ABHD10: variants seen among roughly 807,000 people sequenced by gnomAD.
ABHD10 encodes the protein palmitoyl-protein thioesterase ABHD10, mitochondrial.
ABHD10 carries 22 observed loss-of-function variants against 33.1 expected under a neutral mutation model. The observed-to-expected ratio is 0.66, with a 90% CI of 0.47 to 0.95. The LOEUF (loss-of-function observed/expected upper bound fraction) is 0.95. ABHD10 is among the 40% of genes least tolerant of loss of function. The probability of loss-of-function intolerance (pLI) is 0.00; values close to 1 mark genes in which losing one functional copy is unlikely to be tolerated. For synonymous variants in ABHD10, 146 were observed against 133.9 expected (o/e 1.09, Z -0.62); for missense variants, 352 against 379.9 (o/e 0.93, Z 0.61).
chr3:111,981,898 C>T lies in ABHD10; in HGVS notation c.257C>T (p.Ser86Phe), dbSNP rs1225186505. Reference sequence around the variant, plus strand: ...ATTATCTTCATCCCTGGCTATCTTTCTTATATGAATGGTACAAAAGCGTTG... The same window carrying T: ...ATTATCTTCATCCCTGGCTATCTTTTTTATATGAATGGTACAAAAGCGTTG... ...PGIIFIPGYL[S>F]YMNGTKALAI... The change falls in exon 2 of 5, where the codon TCT (serine) becomes TTT (phenylalanine). Residue 86 changes from serine to phenylalanine, a missense_variant. Ser to Phe is a radical substitution (Grantham distance 155, BLOSUM62 -2). Coordinates refer to ENST00000273359, the MANE Select transcript of ABHD10 (RefSeq NM_018394.4). 1 of 1,608,056 alleles carries T rather than the reference C, an allele frequency of 6.2e-7. No individual in the cohort carries two copies. The highest frequency in any genetic ancestry group is 1.3e-5 in the African/African-American group (1 of 74,996).
In ABHD10 at chr3:111,986,383, T is replaced by A; in HGVS notation, c.438+8T>A. ...TTAGCTGATGGGCCACAGGTGACTGTTTTGTTAAGTATGATGATAATTACT... is the reference window on the plus strand; with the variant it reads ...TTAGCTGATGGGCCACAGGTGACTGATTTGTTAAGTATGATGATAATTACT... On this transcript the variant is annotated splice_region_variant and intron_variant, in intron 3 of 4. Transcript: ENST00000273359. 1 of 1,554,772 alleles carries A rather than the reference T, an allele frequency of 6.4e-7. No homozygotes were observed. Among genetic ancestry groups the A allele is most frequent in the Non-Finnish European group, 8.9e-7 (1 of 1,128,498 alleles).
intron 4 of ABHD10, among the ~76,000 whole-genome samples, chr3:111,988,112 A>G (rs1009102865): frequency 2.0e-5 from 3 of 152,200 alleles, no homozygotes; most frequent in Non-Finnish European, 2.9e-5. Context: ...TTAAAAAAAA[A>G]GAAGAAAAAA....
In ABHD10 at chr3:111,992,577, TA is replaced by T. The variant is rs1421184675; in HGVS notation, c.*857del. 1.1e-4 allele frequency: 17 copies of T among 152,294 alleles called. No homozygotes were observed. Among genetic ancestry groups the T allele is most frequent in the African/African-American group, 4.1e-4 (17 of 41,584 alleles). The allele number at this position is 152,294 out of a possible 1,614,324, so 9.4% of individuals were successfully genotyped here. A position where few individuals can be genotyped will look rare whatever the true frequency, so the allele number is the denominator to read the frequency against. ...AAGTGTGAAATGCTAGTATAAAGGT[TA>T]TTTTTTTTCTTTCCTAAATAACTAA... On this transcript the variant is annotated 3_prime_UTR_variant, in exon 5 of 5. Coordinates refer to ENST00000273359, the MANE Select transcript of ABHD10 (RefSeq NM_018394.4).
At chr3:111,979,272 C>T (rs2072545685) in intron 1 of ABHD10, 69 bp downstream of exon 1, 1 of 1,491,310 alleles carries the variant, frequency 6.7e-7, no homozygotes, top group African/African-American at 1.4e-5. Context: ...GTTACCGTGC[C>T]TGTGCAGTGC....
In ABHD10 at chr3:111,990,699, G is replaced by A. The variant is rs2072728816; in HGVS notation, c.577-678G>A. 2.8e-6 allele frequency: 4 copies of A among 1,412,050 alleles called. No homozygotes were observed. In the African/African-American group the frequency reaches 4.4e-5, roughly 15 times the overall value. 87.5% of individuals were successfully genotyped at this position (1,412,050 alleles called of 1,614,324 possible). A position where few individuals can be genotyped will look rare whatever the true frequency, so the allele number is the denominator to read the frequency against. Reference sequence around the variant, plus strand: ...AAAATCAAATTTTTTCTCTTTTATAGGACTCTGGAAGGAAAAACTATATTT... The same window carrying A: ...AAAATCAAATTTTTTCTCTTTTATAAGACTCTGGAAGGAAAAACTATATTT... On this transcript the variant is annotated intron_variant, in intron 4 of 4. Transcript: ENST00000273359.
Position 111,986,293 on chromosome 3 carries a change from A to G in ABHD10, c.356A>G (p.Asp119Gly). Residue 119 changes from aspartate to glycine, a missense_variant, in exon 3 of 5, where the codon GAT (aspartate) becomes GGT (glycine). By Grantham distance (94) the Asp-to-Gly change is moderately conservative. Transcript: ENST00000273359. ...RFDYSGVGSSDGNSEESTLGK... is the reference protein window; with the variant it reads ...RFDYSGVGSSGGNSEESTLGK... ...GATTACTCAGGAGTTGGAAGTTCAG[A>G]TGGTAACTCAGAGGAAAGCACACTG... 6.2e-7 allele frequency: 1 copy of G among 1,613,826 alleles called. No homozygotes were observed. The highest frequency in any genetic ancestry group is 8.5e-7 in the Non-Finnish European group (1 of 1,179,814).
intron 1 of ABHD10, among the ~76,000 whole-genome samples, chr3:111,980,811 T>C (rs1183062423): frequency 6.6e-6 from 1 of 152,216 alleles, no homozygotes; most frequent in Admixed American, 6.5e-5. Context: ...ATGTTGTTTT[T>C]AAAGAAACTG....
At chr3:111,982,025 T>G (rs1255205207) in intron 2 of ABHD10, 58 bp downstream of exon 2, 2 of 1,308,074 alleles carry the variant, frequency 1.5e-6, no homozygotes, top group African/African-American at 2.9e-5. Context: ...AGTGGAGAAT[T>G]ACTTCTGTTC....
intron 2 of ABHD10, among the ~76,000 whole-genome samples, chr3:111,983,363 T>C (rs2072610275): frequency 6.6e-6 from 1 of 152,138 alleles, no homozygotes; most frequent in African/African-American, 2.4e-5. Context: ...GAAATCACCA[T>C]TTTACCAGTT....
rs1367342484 is a variant in ABHD10 at position 111,992,811 on chromosome 3, G to C, written c.*1090G>C. On this transcript the variant is annotated 3_prime_UTR_variant, in exon 5 of 5. Coordinates refer to ENST00000273359, the MANE Select transcript of ABHD10 (RefSeq NM_018394.4). ...GAGGAAACCAGCAGATAGTAAACCT[G>C]GTTCAAAGTACAATTCAAGAAACTG... The C allele has an allele frequency of 6.6e-6, 1 of 152,128 alleles. No homozygotes were observed. Among genetic ancestry groups the C allele is most frequent in the Non-Finnish European group, 1.5e-5 (1 of 68,024 alleles). 9.4% of individuals were successfully genotyped at this position (152,128 alleles called of 1,614,324 possible). A position where few individuals can be genotyped will look rare whatever the true frequency, so the allele number is the denominator to read the frequency against.
At chr3:111,980,972 G>A (rs2072576437) in intron 1 of ABHD10, among the ~76,000 whole-genome samples, 1 of 152,078 alleles carries the variant, frequency 6.6e-6, no homozygotes. Context: ...AATTTTGCAA[G>A]GGCAGACCAA....
intron 4 of ABHD10, chr3:111,990,773 T>C: frequency 1.6e-6 from 2 of 1,212,350 alleles, no homozygotes; most frequent in Non-Finnish European, 2.2e-6. Flanking sequence ...ATTGTTACAA[T>C]GTAATTACTC....
In ABHD10 at chr3:111,991,338, AG is replaced by A. The variant is rs554356226; in HGVS notation, c.577-38del. ...TATTGCATGTGTTAATGTTGCCTAA[AG>A]TCACAAATACTTTTATTTTTCTTTC... is the stretch of plus-strand genomic sequence containing the variant. On this transcript the variant is annotated intron_variant, in intron 4 of 4. Coordinates refer to ENST00000273359, the MANE Select transcript of ABHD10 (RefSeq NM_018394.4). 117 of 1,557,324 alleles carry A rather than the reference AG, an allele frequency of 7.5e-5. 1 individual carries two copies. The African/African-American group carries it at 1.4e-3, about 19-fold the overall frequency.
At chr3:111,981,311 C>CAAAAAAAAAAAAAAAA (rs11301143) in intron 1 of ABHD10, among the ~76,000 whole-genome samples, 1 of 91,220 alleles carries the variant, frequency 1.1e-5, no homozygotes. Flanking sequence ...GACCCTGTCT[C>CAAAAAAAAAAAAAAAA]AAAAAAAAAA....
At position 111,979,234 on chromosome 3, in the gene ABHD10, G is replaced by C. The variant is rs374355930; in HGVS notation, c.142+31G>C. ...TGTCCGAAAGGCGGGAGTAGGATGC[G>C]TTCTTTCGAACGCCTCGGGTTCCGT... On this transcript the variant is annotated intron_variant, in intron 1 of 4. Transcript: ENST00000273359. 3.6e-5 allele frequency: 56 copies of C among 1,571,374 alleles called. No individual in the cohort carries two copies. The African/African-American group carries it at 6.4e-4, about 18-fold the overall frequency.
At position 111,993,311 on chromosome 3, in the gene ABHD10, G is replaced by C. The variant is rs548388561; in HGVS notation, c.*1590G>C. The C allele has an allele frequency of 2.3e-4, 35 of 151,940 alleles. No individual in the cohort carries two copies. Among genetic ancestry groups the C allele is most frequent in the African/African-American group, 8.5e-4 (35 of 41,386 alleles). 9.4% of individuals were successfully genotyped at this position (151,940 alleles called of 1,614,324 possible). A position where few individuals can be genotyped will look rare whatever the true frequency, so the allele number is the denominator to read the frequency against. ...TCACCCCATGTGTCTTTTTTCCTTTGCTGATTTTGTTTTGTATCCTTTCAC... is the reference window on the plus strand; with the variant it reads ...TCACCCCATGTGTCTTTTTTCCTTTCCTGATTTTGTTTTGTATCCTTTCAC... On this transcript the variant is annotated 3_prime_UTR_variant, in exon 5 of 5. Transcript: ENST00000273359.
In ABHD10 at chr3:111,986,973, A is replaced by G. The variant is rs748580079; in HGVS notation, c.498A>G (p.Pro166=). The change falls in exon 4 of 5, where the codon CCA becomes CCG. Residue 166 remains proline (P), a synonymous_variant. Transcript: ENST00000273359. ...TGCTTCATGCTGCAATTGCACGACC[A>G]GAGAAGGTCGTGGCTCTTATTGGTG... ...WLMLHAAIAR[P]EKVVALIGVA... is the part of the protein sequence containing the mutation. 2.5e-6 allele frequency: 4 copies of G among 1,612,334 alleles called. No homozygotes were observed. In the Admixed American group the frequency reaches 5.0e-5, roughly 20 times the overall value.
At chr3:111,989,662 A>G (rs1373482664) in intron 4 of ABHD10, among the ~76,000 whole-genome samples, 1 of 152,204 alleles carries the variant, frequency 6.6e-6, no homozygotes, top group Non-Finnish European at 1.5e-5. Flanking sequence ...GGATAGCTAA[A>G]TGTCATCTTT....
At chr3:111,984,838 A>G (rs1306475035) in intron 2 of ABHD10, among the ~76,000 whole-genome samples, 1 of 152,212 alleles carries the variant, frequency 6.6e-6, no homozygotes, top group East Asian at 1.9e-4. Flanking sequence ...CTACACCAAG[A>G]TACTGGACTT....
Sources: allele counts gnomAD v4.1 joint callset (sites outside exome capture counted in the v4.1 genomes callset), GRCh38; gene constraint gnomAD v4.1.1; transcripts MANE v1.5; gene names NCBI Gene and HGNC (gene_info 2026-07-23, HGNC 2026-07-21).